EYS: variants seen among roughly 807,000 people sequenced by gnomAD.
EYS encodes the protein protein eyes shut homolog.
EYS carries 250 observed loss-of-function variants against 282.1 expected under a neutral mutation model. The ratio of observed to expected loss-of-function variants is 0.89; its 90% CI spans 0.80 to 0.98. The LOEUF (loss-of-function observed/expected upper bound fraction) is 0.98. Among genes scored for constraint, EYS ranks in the 50% least tolerant of loss-of-function variants. The pLI is 0.00. For missense variants in EYS, 4,016 were observed against 3,709.0 expected, an observed-to-expected ratio of 1.08 and a Z score of -2.15; for synonymous variants, 1,355 against 1,282.9, an observed-to-expected ratio of 1.06 and a Z score of -1.20.
intron 22 of EYS, among the ~76,000 whole-genome samples, chr6:64,677,642 T>G (rs2149901627): frequency 6.6e-6 from 1 of 152,294 alleles, no homozygotes; most frequent in South Asian, 2.1e-4. Flanking sequence ...TGAATGATAC[T>G]TTTACTATGT....
intron 2 of EYS, among the ~76,000 whole-genome samples, chr6:65,597,433 T>C (rs1765448121): frequency 6.6e-6 from 1 of 152,118 alleles, no homozygotes. Context: ...ACTCCCAGTG[T>C]ACTCCCAGTA....
chr6:64,103,065 C>T (rs959811693), intron 31 of EYS, among the ~76,000 whole-genome samples: 2 of 151,848 alleles, frequency 1.3e-5, no homozygotes, highest in South Asian at 4.2e-4. Context: ...AAAAAGATGC[C>T]CCACATGATG....
intron 22 of EYS, among the ~76,000 whole-genome samples, chr6:64,729,300 G>A (rs779603266): frequency 1.3e-5 from 2 of 152,014 alleles, no homozygotes; most frequent in Non-Finnish European, 2.9e-5. Flanking sequence ...TTATATTATT[G>A]CTTAACAAGT....
chr6:65,452,460 GATTA>G (rs1305194476), intron 5 of EYS, among the ~76,000 whole-genome samples: 4 of 151,742 alleles, frequency 2.6e-5, no homozygotes, highest in Non-Finnish European at 4.4e-5. Context: ...ACTAAGGTAG[GATTA>G]ATTAAATTAT....
chr6:64,063,900 G>C (rs1771271102), intron 33 of EYS, among the ~76,000 whole-genome samples: 1 of 151,886 alleles, frequency 6.6e-6, no homozygotes. Context: ...TAATTTTTTT[G>C]TATTTTTAGT....
At chr6:64,094,663 C>A (rs986620696) in intron 31 of EYS, among the ~76,000 whole-genome samples, 1 of 152,052 alleles carries the variant, frequency 6.6e-6, no homozygotes, top group Non-Finnish European at 1.5e-5. Flanking sequence ...CTGTATTAAT[C>A]TTGCTAGTGG....
intron 12 of EYS, among the ~76,000 whole-genome samples, chr6:65,248,511 T>C (rs1767238903): frequency 6.6e-6 from 1 of 152,072 alleles, no homozygotes; most frequent in African/African-American, 2.4e-5. Context: ...TGATCAGCAA[T>C]GTGTGCAAGT....
intron 22 of EYS, among the ~76,000 whole-genome samples, chr6:64,767,013 T>C (rs1194709371): frequency 2.0e-5 from 3 of 151,956 alleles, no homozygotes; most frequent in Non-Finnish European, 2.9e-5. Context: ...TGAAATTTTA[T>C]ATGTGATGAT....
At chr6:64,995,353 T>C (rs1196000495) in intron 14 of EYS, among the ~76,000 whole-genome samples, 1 of 152,186 alleles carries the variant, frequency 6.6e-6, no homozygotes, top group Admixed American at 6.5e-5. Context: ...ATCTTATGTG[T>C]CTTTCCCTTT....
At chr6:65,529,480 G>A (rs1332970634) in intron 2 of EYS, among the ~76,000 whole-genome samples, 2 of 152,172 alleles carry the variant, frequency 1.3e-5, no homozygotes, top group Non-Finnish European at 2.9e-5. Context: ...AACTTTGACA[G>A]ATGAAACACA....
intron 12 of EYS, among the ~76,000 whole-genome samples, chr6:65,140,164 A>C (rs962308538): frequency 6.6e-6 from 1 of 152,072 alleles, no homozygotes; most frequent in African/African-American, 2.4e-5. Flanking sequence ...AAAATTAGAA[A>C]GTCTCAGCAA....
chr6:64,762,710 T>C (rs188217352), intron 22 of EYS, among the ~76,000 whole-genome samples: 12 of 152,126 alleles, frequency 7.9e-5, no homozygotes, highest in Admixed American at 3.3e-4. Flanking sequence ...CTCACAACCA[T>C]GGTGCTCACC....
chr6:65,508,534 C>G (rs765000045), intron 2 of EYS, among the ~76,000 whole-genome samples: 1 of 151,426 alleles, frequency 6.6e-6, no homozygotes, highest in East Asian at 2.0e-4. Flanking sequence ...ATTAGCTGGG[C>G]GTGGTGGCAG....
chr6:63,734,781 T>A (rs1406298123), intron 41 of EYS, among the ~76,000 whole-genome samples: 2 of 152,106 alleles, frequency 1.3e-5, no homozygotes, highest in Non-Finnish European at 2.9e-5. Context: ...ACATTTGAGA[T>A]GTTTTTAAGA....
At chr6:64,042,575 C>T (rs891251047) in intron 33 of EYS, among the ~76,000 whole-genome samples, 1 of 152,148 alleles carries the variant, frequency 6.6e-6, no homozygotes, top group African/African-American at 2.4e-5. Context: ...GGGAAGAAAG[C>T]TCTTTGTCCA....
At chr6:65,455,475 TG>T (rs1764567131) in intron 5 of EYS, among the ~76,000 whole-genome samples, 1 of 152,064 alleles carries the variant, frequency 6.6e-6, no homozygotes, top group African/African-American at 2.4e-5. Context: ...AATAAAGAGT[TG>T]GATGACTGAA....
At chr6:64,751,341 C>A (rs186802491) in intron 22 of EYS, among the ~76,000 whole-genome samples, 1 of 152,170 alleles carries the variant, frequency 6.6e-6, no homozygotes, top group Non-Finnish European at 1.5e-5. Flanking sequence ...CTATACTTCC[C>A]GGTTAGGAGT....
chr6:64,678,329 GCA>G (rs1769765166), intron 22 of EYS, among the ~76,000 whole-genome samples: 1 of 152,206 alleles, frequency 6.6e-6, no homozygotes, highest in African/African-American at 2.4e-5. Context: ...TGTAATCCCA[GCA>G]CTGTGGGAGG....
chr6:65,031,162 C>T (rs1415784224), intron 13 of EYS, among the ~76,000 whole-genome samples: 1 of 138,604 alleles, frequency 7.2e-6, no homozygotes, highest in Non-Finnish European at 1.5e-5. Context: ...TATATATACA[C>T]ACACACGCAC....
Sources: allele counts gnomAD v4.1 joint callset (sites outside exome capture counted in the v4.1 genomes callset), GRCh38; gene constraint gnomAD v4.1.1; transcripts MANE v1.5; gene names NCBI Gene and HGNC (gene_info 2026-07-23, HGNC 2026-07-21).